CACNA2D3: variants seen among roughly 807,000 people sequenced by gnomAD.
The protein encoded by CACNA2D3 is calcium voltage-gated channel auxiliary subunit alpha2delta 3.
CACNA2D3 carries 60 observed loss-of-function variants against 160.6 expected under a neutral mutation model. The ratio of observed to expected loss-of-function variants is 0.37; its 90% CI spans 0.30 to 0.46. The LOEUF (loss-of-function observed/expected upper bound fraction) is 0.46. CACNA2D3 is among the 20% of genes least tolerant of loss of function. CACNA2D3 has a pLI of 1.00. For synonymous variants in CACNA2D3, 558 were observed against 492.9 expected (o/e 1.13, Z -1.75); for missense variants, 1,205 against 1,365.0 (o/e 0.88, Z 1.85).
chr3:54,731,913 CTT>C lies in CACNA2D3; in HGVS notation c.1168-20684_1168-20683del, dbSNP rs1416531382. ...AGCATCACCGTGTAATTGAAACTGA[CTT>C]TGTATTGGGTTCCTTCAGTGTCAAG... On this transcript the variant is annotated intron_variant, in intron 11 of 37. Coordinates refer to ENST00000474759, the MANE Select transcript of CACNA2D3 (RefSeq NM_018398.3). Among the ~76,000 whole-genome samples the C allele has an allele frequency of 6.6e-5, 10 of 152,108 alleles. No homozygotes were observed. The South Asian group carries it at 1.5e-3, about 22-fold the overall frequency.
At chr3:54,537,194 T>A (rs911301653) in intron 5 of CACNA2D3, among the ~76,000 whole-genome samples, 17 of 151,948 alleles carry the variant, frequency 1.1e-4, no homozygotes, top group African/African-American at 3.9e-4. Flanking sequence ...GATCATCTCA[T>A]GAAGAGCTCC....
chr3:54,701,993 A>G (rs1029017526), intron 11 of CACNA2D3, among the ~76,000 whole-genome samples: 1 of 152,190 alleles, frequency 6.6e-6, no homozygotes. Flanking sequence ...AGTCAACAAT[A>G]ACAAGCAATG....
chr3:55,018,213 A>G lies in CACNA2D3; in HGVS notation c.2883A>G (p.Lys961=). 1 of 1,610,906 alleles carries G rather than the reference A, an allele frequency of 6.2e-7. No homozygotes were observed. The highest frequency in any genetic ancestry group is 8.5e-7 in the Non-Finnish European group (1 of 1,177,472). ...WHSDMTAKAQ[K]LKQTLEPCDT... is the part of the protein sequence containing the mutation. The stretch of plus-strand genomic sequence containing the variant: ...TTCCCACTATCCCTACAGCCCAGAA[A>G]TTGAAACAGACCCTGGAGCCTTGTG... The change falls in exon 35 of 38, where the codon AAA becomes AAG. Residue 961 remains lysine (K), a synonymous_variant. Transcript: ENST00000474759.
intron 4 of CACNA2D3, among the ~76,000 whole-genome samples, chr3:54,410,276 C>G (rs1354951465): frequency 6.6e-6 from 1 of 152,012 alleles, no homozygotes; most frequent in African/African-American, 2.4e-5. Flanking sequence ...ATTGCTTGAA[C>G]CCGGGAGGTG....
At chr3:54,466,305 A>G (rs916010046) in intron 4 of CACNA2D3, among the ~76,000 whole-genome samples, 1 of 152,304 alleles carries the variant, frequency 6.6e-6, no homozygotes, top group African/African-American at 2.4e-5. Flanking sequence ...AGAGAATTGG[A>G]AAAAAGTACT....
chr3:54,968,647 C>T (rs1417111204), intron 28 of CACNA2D3, 136 bp downstream of exon 28: 6 of 650,408 alleles, frequency 9.2e-6, no homozygotes, highest in Non-Finnish European at 1.4e-5. Flanking sequence ...CTCAGATTAC[C>T]TTTCATTTCA....
intron 2 of CACNA2D3, among the ~76,000 whole-genome samples, chr3:54,301,635 A>G (rs1393658225): frequency 3.9e-5 from 6 of 152,202 alleles, no homozygotes; most frequent in East Asian, 1.9e-4. Flanking sequence ...TATCCTACCT[A>G]TTGAAATAGT....
At chr3:54,645,664 C>G (rs1699619470) in intron 11 of CACNA2D3, among the ~76,000 whole-genome samples, 1 of 152,182 alleles carries the variant, frequency 6.6e-6, no homozygotes, top group Non-Finnish European at 1.5e-5. Context: ...GGGATTTGTT[C>G]CCTTCTCTTA....
chr3:54,393,351 C>A (rs1699315448), intron 4 of CACNA2D3, among the ~76,000 whole-genome samples: 1 of 152,182 alleles, frequency 6.6e-6, no homozygotes, highest in South Asian at 2.1e-4. Flanking sequence ...TGTGTCCTGT[C>A]CCCTGTGACC....
At chr3:54,658,978 CTGGGGCACT>C (rs1699922505) in intron 11 of CACNA2D3, among the ~76,000 whole-genome samples, 1 of 152,136 alleles carries the variant, frequency 6.6e-6, no homozygotes, top group South Asian at 2.1e-4. Flanking sequence ...TTCCCTCTCT[CTGGGGCACT>C]TTGCCCCCAG....
intron 13 of CACNA2D3, among the ~76,000 whole-genome samples, chr3:54,790,889 T>C (rs1702741296): frequency 6.6e-6 from 1 of 152,208 alleles, no homozygotes; most frequent in African/African-American, 2.4e-5. Context: ...GTGAAAAGGA[T>C]TGTGGAGTTT....
intron 9 of CACNA2D3, among the ~76,000 whole-genome samples, chr3:54,604,936 GC>G (rs1173855566): frequency 6.6e-6 from 1 of 152,144 alleles, no homozygotes; most frequent in African/African-American, 2.4e-5. Context: ...GCTTAAAACA[GC>G]AGAAATGTAT....
chr3:54,175,183 T>G (rs1354362431), intron 2 of CACNA2D3, among the ~76,000 whole-genome samples: 1 of 152,210 alleles, frequency 6.6e-6, no homozygotes, highest in Non-Finnish European at 1.5e-5. Context: ...TGGTTTTTCA[T>G]TGCTTTTAAA....
chr3:54,560,509 A>T lies in CACNA2D3; in HGVS notation c.545-2291A>T, dbSNP rs143272414. 6.4e-3 allele frequency among the ~76,000 whole-genome samples: 973 copies of T among 152,144 alleles called. 15 individuals carry two copies. The highest frequency in any genetic ancestry group is 0.03 in the East Asian group (155 of 5,180). On this transcript the variant is annotated intron_variant, in intron 5 of 37. Coordinates refer to ENST00000474759, the MANE Select transcript of CACNA2D3 (RefSeq NM_018398.3). ...TTTGTCAGATGCATAATTTGCAAAA[A>T]TTTTCTCCTATTCTGTAGGTTGTCT...
chr3:54,837,805 C>T (rs188555341), intron 15 of CACNA2D3, among the ~76,000 whole-genome samples: 1 of 152,260 alleles, frequency 6.6e-6, no homozygotes, highest in Admixed American at 6.5e-5. Context: ...CTCTCTGTGT[C>T]CTTCCCTGTT....
intron 25 of CACNA2D3, among the ~76,000 whole-genome samples, chr3:54,893,783 A>G (rs921358182): frequency 2.2e-5 from 3 of 137,786 alleles, no homozygotes; most frequent in Non-Finnish European, 4.8e-5. Flanking sequence ...CCCAATAGTT[A>G]TAATACATTC....
At chr3:54,297,415 G>A (rs1703366092) in intron 2 of CACNA2D3, among the ~76,000 whole-genome samples, 2 of 151,728 alleles carry the variant, frequency 1.3e-5, no homozygotes, top group Admixed American at 1.3e-4. Flanking sequence ...TAGGACAGAT[G>A]CAGGATTGTT....
chr3:54,300,503 A>T (rs1281050584), intron 2 of CACNA2D3, among the ~76,000 whole-genome samples: 1 of 152,186 alleles, frequency 6.6e-6, no homozygotes, highest in Admixed American at 6.5e-5. Context: ...GGAGAGGGGT[A>T]GAGCTTGTAA....
At chr3:54,166,785 A>G (rs1431850889) in intron 2 of CACNA2D3, among the ~76,000 whole-genome samples, 1 of 152,198 alleles carries the variant, frequency 6.6e-6, no homozygotes, top group Non-Finnish European at 1.5e-5. Flanking sequence ...TTCCATGACA[A>G]TATTCTGTGT....
Sources: allele counts gnomAD v4.1 joint callset (sites outside exome capture counted in the v4.1 genomes callset), GRCh38; gene constraint gnomAD v4.1.1; transcripts MANE v1.5; gene names NCBI Gene and HGNC (gene_info 2026-07-23, HGNC 2026-07-21).